Variants in RARB observed in about 807,000 individuals in gnomAD.
RARB encodes HBV-activated protein.
Under a neutral mutation model 51.9 loss-of-function variants are expected in RARB, and 17 were observed. That is an observed-to-expected ratio of 0.33 (90% CI 0.22 to 0.49). The LOEUF is 0.49. Among genes scored for constraint, RARB ranks in the 20% least tolerant of loss-of-function variants. RARB has a pLI of 0.99. For missense variants in RARB, 369 were observed against 550.8 expected (o/e 0.67, Z 3.30); for synonymous variants, 215 against 195.4 (o/e 1.10, Z -0.84).
intron 2 of RARB, among the ~76,000 whole-genome samples, chr3:24,878,810 G>GT (rs1382046413): frequency 3.3e-5 from 5 of 152,128 alleles, no homozygotes; most frequent in Non-Finnish European, 5.9e-5. Flanking sequence ...AATCTTTGTG[G>GT]TTTTTCTTGG....
intron 2 of RARB, among the ~76,000 whole-genome samples, chr3:25,048,945 G>T (rs1206944939): frequency 6.6e-6 from 1 of 151,854 alleles, no homozygotes; most frequent in Non-Finnish European, 1.5e-5. Flanking sequence ...GTAGAGACGG[G>T]GTTTCACCGT....
intron 2 of RARB, among the ~76,000 whole-genome samples, chr3:24,886,248 G>A (rs17015402): frequency 0.013 from 1,986 of 152,102 alleles, 37 homozygotes; most frequent in African/African-American, 0.045. Context: ...GATATGTCTG[G>A]CCTCTCTAAA....
intron 3 of RARB, among the ~76,000 whole-genome samples, chr3:25,071,129 C>G (rs1394467628): frequency 6.6e-6 from 1 of 152,176 alleles, no homozygotes; most frequent in Non-Finnish European, 1.5e-5. Flanking sequence ...AAGCTTCTTG[C>G]AAGTTAGGAA....
At chr3:25,166,645 A>C (rs529431346) in intron 4 of RARB, among the ~76,000 whole-genome samples, 52 of 152,308 alleles carry the variant, frequency 3.4e-4, no homozygotes, top group Admixed American at 1.1e-3. Context: ...CCACATTGTG[A>C]GTAAATTGCA....
intron 1 of RARB, among the ~76,000 whole-genome samples, chr3:25,452,521 G>C (rs1009412547): frequency 6.6e-6 from 1 of 152,158 alleles, no homozygotes; most frequent in African/African-American, 2.4e-5. Flanking sequence ...TGTTTGGAAA[G>C]TTATAACCGT....
intron 5 of RARB, among the ~76,000 whole-genome samples, chr3:25,200,665 G>T (rs1282798874): frequency 3.3e-5 from 5 of 152,086 alleles, no homozygotes; most frequent in African/African-American, 9.7e-5. Context: ...CATATGGCTA[G>T]CCAGTTTTCC....
At chr3:25,053,266 A>G in intron 2 of RARB, among the ~76,000 whole-genome samples, 1 of 152,144 alleles carries the variant, frequency 6.6e-6, no homozygotes, top group East Asian at 1.9e-4. Flanking sequence ...TAAACAACTT[A>G]TTCTTAAGAA....
At chr3:25,186,860 TGAA>T (rs1700988516) in intron 5 of RARB, among the ~76,000 whole-genome samples, 2 of 146,088 alleles carry the variant, frequency 1.4e-5, no homozygotes, top group African/African-American at 5.1e-5. Flanking sequence ...CCTTCAGAAA[TGAA>T]GACCCAAAGA....
chr3:25,571,604 CA>C (rs532183632), intron 4 of RARB, among the ~76,000 whole-genome samples: 3 of 152,224 alleles, frequency 2.0e-5, no homozygotes, highest in Non-Finnish European at 4.4e-5. Context: ...AGGGAGCTTT[CA>C]TTTTCACCTG....
intron 2 of RARB, among the ~76,000 whole-genome samples, chr3:24,936,480 C>G (rs923145862): frequency 1.3e-5 from 2 of 152,152 alleles, no homozygotes; most frequent in Admixed American, 1.3e-4. Flanking sequence ...AGAGTCTTAA[C>G]CGAGGCAGCT....
chr3:24,978,639 T>A (rs1696572449), intron 2 of RARB, among the ~76,000 whole-genome samples: 1 of 152,132 alleles, frequency 6.6e-6, no homozygotes, highest in African/African-American at 2.4e-5. Context: ...ATTTGATTCA[T>A]CTCTCTTTTC....
At chr3:25,587,621 C>T (rs1575545207) in intron 5 of RARB, among the ~76,000 whole-genome samples, 1 of 152,284 alleles carries the variant, frequency 6.6e-6, no homozygotes, top group East Asian at 1.9e-4. Context: ...ATTTTCTCCT[C>T]GGTTAAGGCA....
chr3:24,829,528 G>C (rs1188109395), intron 1 of RARB, among the ~76,000 whole-genome samples: 1 of 152,176 alleles, frequency 6.6e-6, no homozygotes, highest in Non-Finnish European at 1.5e-5. Context: ...CCAGGGACCG[G>C]CTGCCTAGCA....
At chr3:25,210,199 T>A (rs1701657500) in intron 5 of RARB, among the ~76,000 whole-genome samples, 4 of 152,216 alleles carry the variant, frequency 2.6e-5, no homozygotes, top group Non-Finnish European at 5.9e-5. Context: ...AGGCATGGCC[T>A]GTCCGTTATG....
chr3:25,006,907 A>T (rs1484677015), intron 2 of RARB, among the ~76,000 whole-genome samples: 2 of 152,168 alleles, frequency 1.3e-5, no homozygotes, highest in African/African-American at 2.4e-5. Context: ...CTTATAATGA[A>T]AGCAGAAGGT....
intron 2 of RARB, among the ~76,000 whole-genome samples, chr3:24,897,374 C>A (rs1013483720): frequency 3.3e-5 from 5 of 152,110 alleles, no homozygotes; most frequent in African/African-American, 1.2e-4. Context: ...TTTTTGACTT[C>A]GTTCTTCAAA....
Position 25,050,433 on chromosome 3 carries a change from T to TA in RARB, c.-379-9681dup, listed in dbSNP as rs918103570. ...TTTACTTCTCAAAAGGCTCATGATTTAAAAAAAAAAATTAACTCTCATCCT... is the reference window on the plus strand; with the variant it reads ...TTTACTTCTCAAAAGGCTCATGATTTAAAAAAAAAAAATTAACTCTCATCCT... On this transcript the variant is annotated intron_variant, in intron 2 of 11. Transcript: ENST00000383772. Among the ~76,000 whole-genome samples the TA allele has an allele frequency of 8.9e-3, 1,323 of 149,102 alleles. 17 individuals carry two copies. Among genetic ancestry groups the TA allele is most frequent in the African/African-American group, 0.03 (1,208 of 40,902 alleles).
rs149620441 is a variant in RARB at position 24,972,954 on chromosome 3, G to A, written c.-379-87171G>A. 3.8e-4 allele frequency among the ~76,000 whole-genome samples: 58 copies of A among 151,802 alleles called. No homozygotes were observed. The East Asian group carries it at 8.3e-3, about 22-fold the overall frequency. ...TCTCTTCAATTTGGTTGTTTCCTTC[G>A]CTATGCAGAACGTTTTTAGTTTGAT... On this transcript the variant is annotated intron_variant, in intron 2 of 11. Coordinates refer to the RARB transcript ENST00000383772.
At chr3:25,074,615 T>C (rs993816321) in intron 3 of RARB, among the ~76,000 whole-genome samples, 5 of 152,278 alleles carry the variant, frequency 3.3e-5, no homozygotes, top group South Asian at 2.1e-4. Flanking sequence ...TTAATGGCTG[T>C]TGTTGCTTTC....
Sources: gnomAD v4.1 joint callset for allele counts (sites outside exome capture counted in the v4.1 genomes callset) on GRCh38, gnomAD v4.1.1 for gene constraint, MANE v1.5 for transcripts, NCBI Gene and HGNC (gene_info 2026-07-23, HGNC 2026-07-21) for gene names.